CORO7: variants seen among roughly 807,000 people sequenced by gnomAD.
CORO7 encodes the protein coronin 7.
In CORO7, 107 loss-of-function variants were observed where a neutral mutation model predicts 126.6. That is an observed-to-expected ratio of 0.85 (90% CI 0.72 to 0.99). CORO7 has a LOEUF of 0.99. Ranked by LOEUF, CORO7 falls within the 50% of genes least tolerant of loss-of-function variation. The pLI is 0.00. For missense variants in CORO7, 1,314 were observed against 1,255.8 expected (o/e 1.05, Z -0.70); for synonymous variants, 603 against 536.8 (o/e 1.12, Z -1.70).
At chr16:4,401,140 C>T (rs556313062) in intron 6 of CORO7, among the ~76,000 whole-genome samples, 4 of 152,262 alleles carry the variant, frequency 2.6e-5, no homozygotes, top group Admixed American at 1.3e-4. Flanking sequence ...CACGGGAAAC[C>T]GCGGGGAAGA....
In CORO7 at chr16:4,360,535, G is replaced by C; in HGVS notation, c.1931C>G (p.Ala644Gly). 3 of 1,606,660 alleles carry C rather than the reference G, an allele frequency of 1.9e-6. No individual in the cohort carries two copies. The highest frequency in any genetic ancestry group is 2.5e-6 in the Non-Finnish European group (3 of 1,177,102). The change falls in exon 20 of 28, where the codon GCC (alanine) becomes GGC (glycine). Residue 644 changes from alanine to glycine, a missense_variant. Physicochemically the swap from Ala to Gly is moderately conservative, Grantham distance 60. Coordinates refer to ENST00000251166, the MANE Select transcript of CORO7 (RefSeq NM_024535.5). ...QGHQDQIFSL[A>G]WSPDGQQLAT... ...CAGCTGCTGCCCATCAGGACTCCAG[G>C]CCAGGCTGAAGATCTGGGGGCAGGA...
intron 9 of CORO7, among the ~76,000 whole-genome samples, chr16:4,370,540 C>G (rs1273931748): frequency 1.3e-5 from 2 of 152,224 alleles, no homozygotes; most frequent in African/African-American, 2.4e-5. Context: ...CAAAGGCCAG[C>G]CCCAACCCAG....
chr16:4,372,559 T>C (rs1457348681), intron 9 of CORO7, among the ~76,000 whole-genome samples: 1 of 152,136 alleles, frequency 6.6e-6, no homozygotes, highest in East Asian at 1.9e-4. Flanking sequence ...CCAGGGCCCT[T>C]AGAGCTTCGG....
At chr16:4,413,202 G>T in intron 2 of CORO7, 106 bp downstream of exon 2, 1 of 1,230,330 alleles carries the variant, frequency 8.1e-7, no homozygotes, top group African/African-American at 1.5e-5. Flanking sequence ...AAGCAGTTCC[G>T]TTCCAAGTCT....
rs1180300643 is a variant in CORO7, at chr16:4,355,317, TC to T, written c.2740del (p.Asp914ThrfsTer28). ...LGNREDPLPQDSFEGVDEDEW... is the reference protein window; with the variant it reads ...LGNREDPLPQXSFEGVDEDEW... ...GTCCTCGTCCACGCCTTCAAAGGAG[TC>T]CTGGGGGAGTGGGTCCTCCCGGTTC... On this transcript the variant is annotated frameshift_variant, in exon 27 of 28. Coordinates refer to ENST00000251166, the MANE Select transcript of CORO7 (RefSeq NM_024535.5). LOFTEE classifies it high-confidence loss of function. The T allele has an allele frequency of 1.2e-6, 2 of 1,613,066 alleles. No individual in the cohort carries two copies. Among genetic ancestry groups the T allele is most frequent in the South Asian group, 2.2e-5 (2 of 91,008 alleles).
chr16:4,360,429 C>A lies in CORO7; in HGVS notation c.2022+15G>T. 6.2e-7 allele frequency: 1 copy of A among 1,612,962 alleles called. No individual in the cohort carries two copies. Among genetic ancestry groups the A allele is most frequent in the Non-Finnish European group, 8.5e-7 (1 of 1,179,854 alleles). On this transcript the variant is annotated intron_variant, in intron 20 of 27. Coordinates refer to ENST00000251166, the MANE Select transcript of CORO7 (RefSeq NM_024535.5). Reference sequence around the variant, plus strand: ...AACCAGGTCTGAGGCCACTCCCCAGCCCCTGTGTGCTCACCTGCAGGGGCT... The same window carrying A: ...AACCAGGTCTGAGGCCACTCCCCAGACCCTGTGTGCTCACCTGCAGGGGCT...
intron 6 of CORO7, among the ~76,000 whole-genome samples, chr16:4,398,301 A>G (rs1364290818): frequency 1.3e-5 from 2 of 152,224 alleles, no homozygotes; most frequent in African/African-American, 2.4e-5. Flanking sequence ...ACCATTAGAG[A>G]AACACAAATC....
At chr16:4,360,406 C>A (rs761830493) in intron 20 of CORO7, 38 bp downstream of exon 20, 3 of 1,613,120 alleles carry the variant, frequency 1.9e-6, no homozygotes, top group Non-Finnish European at 2.5e-6. Flanking sequence ...CACCCCTGAA[C>A]CAGGTCTGAG....
chr16:4,382,840 C>T (rs1183677476), intron 9 of CORO7: 9 of 1,595,026 alleles, frequency 5.6e-6, no homozygotes, highest in African/African-American at 4.0e-5. Flanking sequence ...TGAGGTGCCA[C>T]TCATGGGCTT....
intron 9 of CORO7, among the ~76,000 whole-genome samples, chr16:4,379,899 A>AT (rs2054889158): frequency 6.6e-6 from 1 of 151,130 alleles, no homozygotes; most frequent in South Asian, 2.1e-4. Flanking sequence ...AAAAAAAAAA[A>AT]ATACAAAAAT....
In CORO7 at chr16:4,362,502, G is replaced by GA. The variant is rs1272613038; in HGVS notation, c.1402+109_1402+110insT. The GA allele has an allele frequency of 1.4e-6, 2 of 1,440,604 alleles. No individual in the cohort carries two copies. Among genetic ancestry groups the GA allele is most frequent in the Non-Finnish European group, 1.8e-6 (2 of 1,097,384 alleles). The allele number at this position is 1,440,604 out of a possible 1,614,324, so 89.2% of individuals were successfully genotyped here. A position where few individuals can be genotyped will look rare whatever the true frequency, so the allele number is the denominator to read the frequency against. On this transcript the variant is annotated intron_variant, in intron 15 of 27. Transcript: ENST00000251166. The surrounding 1 kb of genome is among the most constrained non-coding windows in gnomAD (Gnocchi z 5.3). ...CTGCCAGTGAGTCTGGGTGAGGGGG[G>GA]TGCCCTGCATGAGGCCTGTGCTCAG...
At chr16:4,364,456 C>A in intron 13 of CORO7, 43 bp from the exon 14 acceptor site, 1 of 1,480,034 alleles carries the variant, frequency 6.8e-7, no homozygotes, top group Non-Finnish European at 9.0e-7. Context: ...CATGGGCTGC[C>A]CGGTCAGGAG....
chr16:4,382,182 C>A (rs1260792257), intron 9 of CORO7: 3 of 1,598,388 alleles, frequency 1.9e-6, no homozygotes, highest in Non-Finnish European at 2.6e-6. Flanking sequence ...GCCCCGAAGG[C>A]TTCACGGGCC....
rs376025291 is a variant in CORO7, at chr16:4,396,080, AT to A, written c.565-742del. Among the ~76,000 whole-genome samples the A allele has an allele frequency of 8.0e-5, 12 of 149,150 alleles. 1 individual carries two copies. The highest frequency in any genetic ancestry group is 3.4e-4 in the Admixed American group (5 of 14,902). ...CACTACTACAGGCTGGGCCATAATA[AT>A]TTTTTTTTTCTTTTTTGAGACAGAG... On this transcript the variant is annotated intron_variant, in intron 6 of 27. Coordinates refer to ENST00000251166, the MANE Select transcript of CORO7 (RefSeq NM_024535.5).
chr16:4,356,622 G>A (rs7188287), intron 26 of CORO7: 1,753 of 156,896 alleles, frequency 0.011, 29 homozygotes, highest in African/African-American at 0.038. Context: ...TAGTACAGAC[G>A]GGGTTTCACC....
chr16:4,411,364 G>A (rs1363320012), intron 3 of CORO7, among the ~76,000 whole-genome samples: 1 of 152,008 alleles, frequency 6.6e-6, no homozygotes, highest in Admixed American at 6.6e-5. Context: ...CTGCACTCCA[G>A]CCTGAGTGAC....
At chr16:4,365,216 C>T (rs1042481369) in intron 10 of CORO7, among the ~76,000 whole-genome samples, 156 bp from the exon 11 acceptor site, 1 of 152,162 alleles carries the variant, frequency 6.6e-6, no homozygotes, top group African/African-American at 2.4e-5. Flanking sequence ...CTGAGCTGAG[C>T]CCTAGGCTGA....
intron 9 of CORO7, among the ~76,000 whole-genome samples, chr16:4,387,029 G>A (rs894832609): frequency 1.3e-5 from 2 of 152,232 alleles, no homozygotes; most frequent in African/African-American, 4.8e-5. Flanking sequence ...AGCTTGCCAA[G>A]TACCACCCCT....
chr16:4,416,526 G>C lies in CORO7; in HGVS notation c.-8C>G. The C allele has an allele frequency of 4.5e-6, 7 of 1,572,676 alleles. No homozygotes were observed. The highest frequency in any genetic ancestry group is 1.4e-5 in the African/African-American group (1 of 70,804). ...CACCCTGAAGCGGTTCATGGCGACG[G>C]GCACGGCGGCGGACGCGTCTTCGAG... On this transcript the variant is annotated 5_prime_UTR_variant, in exon 1 of 28. Coordinates refer to ENST00000251166, the MANE Select transcript of CORO7 (RefSeq NM_024535.5).
Sources: gnomAD v4.1 joint callset for allele counts (sites outside exome capture counted in the v4.1 genomes callset) on GRCh38, gnomAD v4.1.1 for gene constraint, Gnocchi (gnomAD v3.1) non-coding constraint, MANE v1.5 for transcripts, NCBI Gene and HGNC (gene_info 2026-07-23, HGNC 2026-07-21) for gene names.